AIG1: variants seen among roughly 807,000 people sequenced by gnomAD.
AIG1 encodes the protein androgen-induced gene 1 protein.
In AIG1, 23 loss-of-function variants were observed where a neutral mutation model predicts 31.4. The observed-to-expected ratio is 0.73, with a 90% CI of 0.53 to 1.04. The LOEUF is 1.04. AIG1 is among the 50% of genes least tolerant of loss of function. The pLI, the probability that AIG1 is intolerant of heterozygous loss-of-function variation, is 0.00. For synonymous variants in AIG1, 100 were observed against 110.5 expected, an observed-to-expected ratio of 0.90 and a Z score of 0.60; for missense variants, 274 against 295.0, an observed-to-expected ratio of 0.93 and a Z score of 0.52.
chr6:143,150,329 A>T (rs1785096767), intron 2 of AIG1, among the ~76,000 whole-genome samples: 1 of 152,160 alleles, frequency 6.6e-6, no homozygotes, highest in Non-Finnish European at 1.5e-5. Context: ...TTTTATCTTA[A>T]AAAGGGATGA....
At chr6:143,282,245 T>C (rs1424712184) in intron 3 of AIG1, among the ~76,000 whole-genome samples, 1 of 152,132 alleles carries the variant, frequency 6.6e-6, no homozygotes, top group East Asian at 1.9e-4. Flanking sequence ...AAAAGTAATG[T>C]CATTGTCATT....
In AIG1 at chr6:143,221,107, T is replaced by C. The variant is rs9376730; in HGVS notation, c.399+55924T>C. 4.6e-5 allele frequency among the ~76,000 whole-genome samples: 7 copies of C among 152,250 alleles called. No homozygotes were observed. The East Asian group carries it at 1.4e-3, about 29-fold the overall frequency. On this transcript the variant is annotated intron_variant, in intron 3 of 5. Coordinates refer to ENST00000357847, the MANE Select transcript of AIG1 (RefSeq NM_016108.4). ...CCTGCCACGGGTGCTTTAATGAGTA[T>C]TATTATTGTAGTTTCATCTTAATTA...
intron 3 of AIG1, among the ~76,000 whole-genome samples, chr6:143,212,499 G>T (rs1293344394): frequency 2.0e-5 from 3 of 152,134 alleles, no homozygotes; most frequent in African/African-American, 7.2e-5. Context: ...CTCACTCTTA[G>T]AACAGGGTCT....
rs570577591 is a variant in AIG1, at chr6:143,166,653, A to G, written c.399+1470A>G. ...TTGTCTGGCATACAGTAGGATCAAT[A>G]CATATTTATTAAATTGATGAATGAA... is the stretch of plus-strand genomic sequence containing the variant. On this transcript the variant is annotated intron_variant, in intron 3 of 5. Coordinates refer to ENST00000357847, the MANE Select transcript of AIG1 (RefSeq NM_016108.4). Among the ~76,000 whole-genome samples, 8 of 152,348 alleles carry G rather than the reference A, an allele frequency of 5.3e-5. 1 individual carries two copies. The South Asian group carries it at 1.7e-3, about 32-fold the overall frequency.
intron 3 of AIG1, among the ~76,000 whole-genome samples, chr6:143,199,068 C>CTAA (rs1272899659): frequency 1.3e-5 from 2 of 152,178 alleles, no homozygotes; most frequent in African/African-American, 4.8e-5. Context: ...TTCTCCTTAA[C>CTAA]CTCTTCCAGT....
chr6:143,196,658 A>T (rs1790269058), intron 3 of AIG1, among the ~76,000 whole-genome samples: 1 of 152,154 alleles, frequency 6.6e-6, no homozygotes, highest in Admixed American at 6.5e-5. Context: ...CCAGGCGTTG[A>T]CTGTTTCTCA....
chr6:143,197,267 A>C (rs1018355626), intron 3 of AIG1, among the ~76,000 whole-genome samples: 2 of 152,028 alleles, frequency 1.3e-5, no homozygotes, highest in African/African-American at 4.8e-5. Flanking sequence ...AAAACTTTTT[A>C]AAGCAATTAT....
intron 1 of AIG1, among the ~76,000 whole-genome samples, chr6:143,119,658 CTCAG>C (rs1172382018): frequency 6.6e-6 from 1 of 152,234 alleles, no homozygotes; most frequent in Admixed American, 6.5e-5. Flanking sequence ...CCCTTCTCCA[CTCAG>C]TGTTTCTGGA....
In AIG1 at chr6:143,329,233, G is replaced by A. The variant is rs1182800973; in HGVS notation, c.516-4049G>A. Among the ~76,000 whole-genome samples, 1 of 152,186 alleles carries A rather than the reference G, an allele frequency of 6.6e-6. No individual in the cohort carries two copies. Among genetic ancestry groups the A allele is most frequent in the East Asian group, 1.9e-4 (1 of 5,200 alleles). On this transcript the variant is annotated intron_variant, in intron 4 of 5. Coordinates refer to ENST00000357847, the MANE Select transcript of AIG1 (RefSeq NM_016108.4). The surrounding 1 kb of genome is among the most constrained non-coding windows in gnomAD (Gnocchi z 4.9). ...GACAATATTGAATGCCTCATTTAGG[G>A]AAGCAAGTCCATGCAGCAAAAAAGA...
In AIG1 at chr6:143,328,293, T is replaced by G. The variant is rs576894333; in HGVS notation, c.516-4989T>G. Among the ~76,000 whole-genome samples the G allele has an allele frequency of 1.1e-4, 17 of 152,318 alleles. No individual in the cohort carries two copies. The East Asian group carries it at 1.2e-3, about 10-fold the overall frequency. ...ACCACTTATTGGAGAAGTTTGCTTT[T>G]GAAGAGGAGAGACTTGAGTAGTACT... On this transcript the variant is annotated intron_variant, in intron 4 of 5. Coordinates refer to ENST00000357847, the MANE Select transcript of AIG1 (RefSeq NM_016108.4). The surrounding 1 kb of genome is among the most constrained non-coding windows in gnomAD (Gnocchi z 4.0).
At chr6:143,061,635 C>T (rs751510745) in intron 1 of AIG1, 3 of 286,116 alleles carry the variant, frequency 1.0e-5, no homozygotes, top group Non-Finnish European at 2.1e-5. Flanking sequence ...TACTTTCAAC[C>T]TTTACCCCGT....
At chr6:143,116,904 C>T (rs968458335) in intron 1 of AIG1, among the ~76,000 whole-genome samples, 29 of 151,976 alleles carry the variant, frequency 1.9e-4, no homozygotes, top group African/African-American at 7.3e-5. Flanking sequence ...AATCCCAAAT[C>T]GGGGCCTTGA....
Position 143,180,115 on chromosome 6 carries a change from A to G in AIG1, c.399+14932A>G, listed in dbSNP as rs529793137. On this transcript the variant is annotated intron_variant, in intron 3 of 5. Transcript: ENST00000357847. ...AGGTGGTGTTAGCAAATGAATCAGA[A>G]TTTCCAAACTGTAATGCAGGTGGCC... Among the ~76,000 whole-genome samples the G allele has an allele frequency of 1.1e-4, 17 of 152,350 alleles. No individual in the cohort carries two copies. The East Asian group carries it at 3.3e-3, about 29-fold the overall frequency.
intron 1 of AIG1, among the ~76,000 whole-genome samples, chr6:143,120,413 T>C (rs1345744992): frequency 6.6e-6 from 1 of 151,566 alleles, no homozygotes; most frequent in Non-Finnish European, 1.5e-5. Context: ...GAAAAAGAGG[T>C]TTAATGGACT....
chr6:143,252,954 G>A (rs1403105363), intron 3 of AIG1, among the ~76,000 whole-genome samples: 1 of 152,176 alleles, frequency 6.6e-6, no homozygotes. Flanking sequence ...CTGGCTTTTG[G>A]CCAGAGGATG....
At chr6:143,322,910 T>C (rs1180462914) in intron 4 of AIG1, among the ~76,000 whole-genome samples, 4 of 152,232 alleles carry the variant, frequency 2.6e-5, no homozygotes, top group Non-Finnish European at 5.9e-5. Flanking sequence ...TATATATTTC[T>C]GCATAAGGAG....
chr6:143,070,432 G>A (rs1018402517), intron 1 of AIG1, among the ~76,000 whole-genome samples: 1 of 152,022 alleles, frequency 6.6e-6, no homozygotes, highest in Non-Finnish European at 1.5e-5. Flanking sequence ...TAGTGCTATT[G>A]TGAATGGTAT....
intron 3 of AIG1, among the ~76,000 whole-genome samples, chr6:143,272,729 A>G (rs1032949411): frequency 6.6e-6 from 1 of 152,248 alleles, no homozygotes; most frequent in Non-Finnish European, 1.5e-5. Flanking sequence ...GAACAATAAC[A>G]GTTGCCAGTC....
chr6:143,106,305 C>T (rs570785122), intron 1 of AIG1, among the ~76,000 whole-genome samples: 1 of 152,320 alleles, frequency 6.6e-6, no homozygotes, highest in South Asian at 2.1e-4. Context: ...GGAACAGGTT[C>T]TCCCTCACAG....
Sources: allele counts gnomAD v4.1 joint callset (sites outside exome capture counted in the v4.1 genomes callset), GRCh38; gene constraint gnomAD v4.1.1; non-coding constraint Gnocchi (gnomAD v3.1); transcripts MANE v1.5; gene names NCBI Gene and HGNC (gene_info 2026-07-23, HGNC 2026-07-21).